Variants in RGS20 observed in about 807,000 individuals in gnomAD.
RGS20 encodes regulator of G protein signaling 20.
Under a neutral mutation model 33.6 loss-of-function variants are expected in RGS20, and 30 were observed. The ratio of observed to expected loss-of-function variants is 0.89; its 90% confidence interval spans 0.67 to 1.21. RGS20 has a LOEUF of 1.21. Among genes scored for constraint, RGS20 ranks in the 50% most tolerant of loss-of-function variants. The pLI is 0.00. For synonymous variants in RGS20, 208 were observed against 197.9 expected, an observed-to-expected ratio of 1.05 and a Z score of -0.43; for missense variants, 472 against 502.4, an observed-to-expected ratio of 0.94 and a Z score of 0.58.
intron 3 of RGS20, among the ~76,000 whole-genome samples, chr8:53,942,254 CAA>C (rs1272716378): frequency 2.6e-5 from 4 of 151,914 alleles, no homozygotes; most frequent in African/African-American, 4.8e-5. Context: ...GCCTGGGCAA[CAA>C]GAGCAAAACT....
intron 2 of RGS20, among the ~76,000 whole-genome samples, chr8:53,896,259 G>C (rs1812858588): frequency 6.6e-6 from 1 of 152,150 alleles, no homozygotes; most frequent in African/African-American, 2.4e-5. Flanking sequence ...CAACCTGTGT[G>C]ACAGAGTGAG....
chr8:53,912,313 A>T (rs1160480115), intron 2 of RGS20, among the ~76,000 whole-genome samples: 2 of 151,782 alleles, frequency 1.3e-5, no homozygotes, highest in Non-Finnish European at 2.9e-5. Context: ...GATTTAAGCC[A>T]ATTTCCCCCA....
At chr8:53,932,849 C>G (rs1344101728) in intron 2 of RGS20, among the ~76,000 whole-genome samples, 1 of 152,120 alleles carries the variant, frequency 6.6e-6, no homozygotes, top group Non-Finnish European at 1.5e-5. Flanking sequence ...CAGCAGGGGT[C>G]GACAGACACC....
intron 5 of RGS20, among the ~76,000 whole-genome samples, chr8:53,956,971 C>A (rs1814886289): frequency 6.6e-6 from 1 of 152,188 alleles, no homozygotes; most frequent in South Asian, 2.1e-4. Flanking sequence ...TCAACATCTC[C>A]TATGGGCTTA....
At chr8:53,862,564 G>T (rs982222762) in intron 1 of RGS20, among the ~76,000 whole-genome samples, 2 of 152,306 alleles carry the variant, frequency 1.3e-5, no homozygotes, top group South Asian at 4.1e-4. Context: ...GCTCATCCCT[G>T]TAATGCCAGC....
At chr8:53,908,536 AG>A (rs2129282837) in intron 2 of RGS20, among the ~76,000 whole-genome samples, 1 of 152,180 alleles carries the variant, frequency 6.6e-6, no homozygotes, top group Admixed American at 6.5e-5. Context: ...GCTACTCGGG[AG>A]GCTGAGGCAG....
chr8:53,874,242 T>C (rs920800884), intron 1 of RGS20, among the ~76,000 whole-genome samples: 6 of 152,134 alleles, frequency 3.9e-5, no homozygotes, highest in African/African-American at 7.2e-5. Flanking sequence ...ATAACTGTTT[T>C]GAAGGATAAC....
At chr8:53,950,803 C>A (rs932163969) in intron 4 of RGS20, among the ~76,000 whole-genome samples, 2 of 151,816 alleles carry the variant, frequency 1.3e-5, no homozygotes, top group East Asian at 3.9e-4. Context: ...TTAGTAGAGA[C>A]GGGGTTTCAC....
intron 1 of RGS20, among the ~76,000 whole-genome samples, chr8:53,861,286 T>G (rs1455742499): frequency 6.6e-6 from 1 of 152,206 alleles, no homozygotes; most frequent in African/African-American, 2.4e-5. Flanking sequence ...CAGCAGACCC[T>G]CAGCCCCTAG....
chr8:53,946,776 C>T, intron 4 of RGS20, 28 bp downstream of exon 3: 1 of 1,569,322 alleles, frequency 6.4e-7, no homozygotes, highest in Non-Finnish European at 8.8e-7. Flanking sequence ...TTTTACCTCA[C>T]TAAACTAACA....
At chr8:53,958,076 C>A (rs1047210365) in intron 5 of RGS20, among the ~76,000 whole-genome samples, 194 bp from the exon 5 acceptor site, 1 of 152,030 alleles carries the variant, frequency 6.6e-6, no homozygotes. Flanking sequence ...GCGGAGGTTG[C>A]ACTGAGCTGA....
intron 5 of RGS20, 130 bp downstream of exon 4, chr8:53,954,440 G>C: frequency 1.7e-6 from 1 of 599,882 alleles, no homozygotes; most frequent in Admixed American, 2.6e-5. Context: ...GAGGCGGGCG[G>C]ATCACCTGAG....
At chr8:53,915,746 G>C (rs930810833) in intron 2 of RGS20, among the ~76,000 whole-genome samples, 16 of 152,116 alleles carry the variant, frequency 1.1e-4, no homozygotes, top group Admixed American at 6.6e-4. Context: ...GGACAGGGCT[G>C]GTGCCCGAGT....
rs1812281824 is a variant in RGS20 at position 53,879,314 on chromosome 8, CCTTTCTAGCCCG to C, written c.228_239del (p.Pro78_Ser81del). On this transcript the variant is annotated inframe_deletion, in exon 2 of 6. Coordinates refer to ENST00000297313, the MANE Select transcript of RGS20 (RefSeq NM_170587.4). ...CCGCCGCCCCGAAGCTGTTCGGCCT[CCTTTCTAGCCCG>C]CTTTCCAGCCTCGCAAGGTTCTTCT... The C allele has an allele frequency of 6.2e-7, 1 of 1,613,520 alleles. No homozygotes were observed. Among genetic ancestry groups the C allele is most frequent in the Non-Finnish European group, 8.5e-7 (1 of 1,179,992 alleles).
chr8:53,878,044 C>T (rs1414655226), intron 1 of RGS20, among the ~76,000 whole-genome samples: 1 of 152,232 alleles, frequency 6.6e-6, no homozygotes, highest in African/African-American at 2.4e-5. Flanking sequence ...CACGCCCAAC[C>T]CAGAACACCC....
At chr8:53,869,817 C>G (rs1812018579) in intron 1 of RGS20, among the ~76,000 whole-genome samples, 1 of 152,122 alleles carries the variant, frequency 6.6e-6, no homozygotes, top group Non-Finnish European at 1.5e-5. Context: ...CTGAGCAGAA[C>G]AGGGCAGGAC....
At chr8:53,886,264 T>A (rs1236904634) in intron 2 of RGS20, among the ~76,000 whole-genome samples, 3 of 152,166 alleles carry the variant, frequency 2.0e-5, no homozygotes, top group Non-Finnish European at 2.9e-5. Context: ...CAGTTCATAG[T>A]ACAATTGAAT....
chr8:53,862,644 T>A (rs2129268315), intron 1 of RGS20, among the ~76,000 whole-genome samples: 1 of 152,174 alleles, frequency 6.6e-6, no homozygotes, highest in Admixed American at 6.5e-5. Context: ...CAAGAAAATT[T>A]AAAAATTAGC....
chr8:53,890,983 C>G (rs912455884), intron 2 of RGS20, among the ~76,000 whole-genome samples: 5 of 152,204 alleles, frequency 3.3e-5, no homozygotes, highest in African/African-American at 1.2e-4. Flanking sequence ...CTCAGTCTTG[C>G]CTTCAGAGGT....
Sources: allele counts gnomAD v4.1 joint callset (sites outside exome capture counted in the v4.1 genomes callset), GRCh38; gene constraint gnomAD v4.1.1; transcripts MANE v1.5; gene names NCBI Gene and HGNC (gene_info 2026-07-23, HGNC 2026-07-21).